DTNA: variants seen among roughly 807,000 people sequenced by gnomAD.
DTNA encodes dystrophin-related protein 3.
Under a neutral mutation model 100.7 loss-of-function variants are expected in DTNA, and 43 were observed. The observed-to-expected ratio is 0.43, with a 90% CI of 0.33 to 0.55. The LOEUF is 0.55. Ranked by LOEUF, DTNA falls within the 20% of genes least tolerant of loss-of-function variation. The pLI is 0.04. For missense variants in DTNA, 798 were observed against 953.9 expected (o/e 0.84, Z 2.15); for synonymous variants, 349 against 347.9 (o/e 1.00, Z -0.04).
At chr18:34,522,198 G>C (rs1193964117) in intron 1 of DTNA, among the ~76,000 whole-genome samples, 1 of 152,126 alleles carries the variant, frequency 6.6e-6, no homozygotes, top group Admixed American at 6.5e-5. Flanking sequence ...GCCATGCCTA[G>C]ATCAGTTTAG....
chr18:34,597,658 T>C (rs1452790753), intron 1 of DTNA, among the ~76,000 whole-genome samples: 1 of 152,146 alleles, frequency 6.6e-6, no homozygotes, highest in Non-Finnish European at 1.5e-5. Context: ...TTCTCAAACA[T>C]TGACTCCACT....
chr18:34,565,419 G>A (rs2046997046), intron 1 of DTNA, among the ~76,000 whole-genome samples: 1 of 152,192 alleles, frequency 6.6e-6, no homozygotes, highest in African/African-American at 2.4e-5. Context: ...AAAGGGTACT[G>A]TATTGGCTTC....
intron 1 of DTNA, among the ~76,000 whole-genome samples, chr18:34,655,362 C>A (rs1284901553): frequency 2.0e-5 from 3 of 152,130 alleles, no homozygotes; most frequent in African/African-American, 4.8e-5. Context: ...AGGCCTCCTC[C>A]CCCACCTCCC....
chr18:34,505,412 T>G (rs1568552433), intron 1 of DTNA, among the ~76,000 whole-genome samples: 1 of 152,354 alleles, frequency 6.6e-6, no homozygotes, highest in East Asian at 1.9e-4. Context: ...CAAATCTCTT[T>G]TTTCCATTCA....
intron 1 of DTNA, among the ~76,000 whole-genome samples, chr18:34,607,749 C>T (rs1400561363): frequency 2.6e-5 from 4 of 152,190 alleles, no homozygotes; most frequent in Non-Finnish European, 2.9e-5. Flanking sequence ...CTTCCACAAA[C>T]ACTCAAAGTT....
At chr18:34,702,149 T>C (rs2146210413) in intron 1 of DTNA, among the ~76,000 whole-genome samples, 1 of 152,240 alleles carries the variant, frequency 6.6e-6, no homozygotes, top group East Asian at 1.9e-4. Flanking sequence ...CACACCAGGC[T>C]TCCTCCTACT....
At chr18:34,689,053 T>A (rs113080355) in intron 1 of DTNA, among the ~76,000 whole-genome samples, 9,377 of 152,178 alleles carry the variant, frequency 0.062, 941 homozygotes, top group African/African-American at 0.21. Context: ...CTAACCTTTT[T>A]TCAAGGTTCT....
At chr18:34,838,719 C>G in intron 12 of DTNA, 26 bp from the exon 13 acceptor site, 2 of 1,599,674 alleles carry the variant, frequency 1.3e-6, no homozygotes, top group Non-Finnish European at 1.7e-6. Flanking sequence ...TAACAACACG[C>G]TTTCTTTCCC....
chr18:34,508,933 G>A (rs1422324051), intron 1 of DTNA, among the ~76,000 whole-genome samples: 1 of 152,076 alleles, frequency 6.6e-6, no homozygotes, highest in Non-Finnish European at 1.5e-5. Context: ...TTTCATTTAA[G>A]ATGACACATA....
intron 1 of DTNA, among the ~76,000 whole-genome samples, chr18:34,677,556 C>T (rs2077540697): frequency 6.6e-6 from 1 of 152,040 alleles, no homozygotes; most frequent in Non-Finnish European, 1.5e-5. Flanking sequence ...AAATATAATA[C>T]TTTAGATTAT....
chr18:34,805,617 G>C (rs540276841), intron 4 of DTNA, among the ~76,000 whole-genome samples: 5 of 152,216 alleles, frequency 3.3e-5, no homozygotes, highest in African/African-American at 1.2e-4. Flanking sequence ...AAGCCACCGT[G>C]CTCGGCCAGA....
rs67141918 is a variant in DTNA, at chr18:34,790,549, CTATATA to C, written c.149-3474_149-3469del. ...TTATTAAAGGACTTTAAGCAGCATA[CTATATA>C]TATATATATATATTTTTTTTTTTTT... is the stretch of plus-strand genomic sequence containing the variant. On this transcript the variant is annotated intron_variant, in intron 3 of 22. Transcript: ENST00000444659. Among the ~76,000 whole-genome samples, 62 of 96,194 alleles carry C rather than the reference CTATATA, an allele frequency of 6.4e-4. 2 individuals carry two copies. Among genetic ancestry groups the C allele is most frequent in the South Asian group, 1.6e-3 (5 of 3,172 alleles). 63.1% of individuals were successfully genotyped at this position (96,194 alleles called of 152,430 possible).
rs189077608 is a variant in DTNA at position 34,588,529 on chromosome 18, G to A, written c.-2+95015G>A. ...ATAAGTCCCATTAATCTTCTTCTAT[G>A]TCTCTTTAGACATTAAAGAGCATCT... On this transcript the variant is annotated intron_variant, in intron 1 of 19. Transcript: ENST00000283365. 2.6e-3 allele frequency among the ~76,000 whole-genome samples: 388 copies of A among 152,040 alleles called. 4 individuals carry two copies. Among genetic ancestry groups the A allele is most frequent in the African/African-American group, 8.7e-3 (360 of 41,440 alleles).
chr18:34,767,062 T>C (rs2093516854), intron 3 of DTNA, among the ~76,000 whole-genome samples: 1 of 152,222 alleles, frequency 6.6e-6, no homozygotes, highest in Non-Finnish European at 1.5e-5. Flanking sequence ...AGTTCATGTG[T>C]AAGAACGTTT....
chr18:34,545,051 A>G (rs940283891), intron 1 of DTNA, among the ~76,000 whole-genome samples: 1 of 152,134 alleles, frequency 6.6e-6, no homozygotes, highest in African/African-American at 2.4e-5. Context: ...GAATGTGGAA[A>G]GCACAAGTGC....
intron 1 of DTNA, among the ~76,000 whole-genome samples, chr18:34,694,475 GA>G (rs1470521493): frequency 6.6e-6 from 1 of 152,134 alleles, no homozygotes; most frequent in East Asian, 1.9e-4. Flanking sequence ...TTATTTTAGT[GA>G]AATCTTAAAC....
intron 14 of DTNA, among the ~76,000 whole-genome samples, chr18:34,849,141 C>T (rs1332606957): frequency 6.6e-6 from 1 of 152,178 alleles, no homozygotes; most frequent in African/African-American, 2.4e-5. Flanking sequence ...TAAAAGTGTA[C>T]TGTGTGCCCC....
At chr18:34,496,875 A>C (rs925162893) in intron 1 of DTNA, among the ~76,000 whole-genome samples, 2 of 152,200 alleles carry the variant, frequency 1.3e-5, no homozygotes, top group African/African-American at 4.8e-5. Flanking sequence ...AAATGCTTGC[A>C]TGTTAATTTT....
At chr18:34,652,104 T>G (rs12971047) in intron 1 of DTNA, among the ~76,000 whole-genome samples, 1 of 131,004 alleles carries the variant, frequency 7.6e-6, no homozygotes, top group African/African-American at 3.0e-5. Context: ...GGAAGGAAGG[T>G]AGGAAGGAAG....
Sources: gnomAD v4.1 joint callset for allele counts (sites outside exome capture counted in the v4.1 genomes callset) on GRCh38, gnomAD v4.1.1 for gene constraint, MANE v1.5 for transcripts, NCBI Gene and HGNC (gene_info 2026-07-23, HGNC 2026-07-21) for gene names.